MINDY1: variants seen among roughly 807,000 people sequenced by gnomAD.
MINDY1 encodes ubiquitin carboxyl-terminal hydrolase MINDY-1.
In MINDY1, 50 loss-of-function variants were observed where a neutral mutation model predicts 53.6. The observed-to-expected ratio is 0.93, with a 90% CI of 0.74 to 1.18. The LOEUF (loss-of-function observed/expected upper bound fraction) is 1.18, where lower values mean the gene tolerates loss of function less well. Ranked by LOEUF, MINDY1 falls within the 50% of genes most tolerant of loss-of-function variation. The pLI is 0.00. For synonymous variants in MINDY1, 231 were observed against 234.7 expected, an observed-to-expected ratio of 0.98 and a Z score of 0.14; for missense variants, 484 against 578.6, an observed-to-expected ratio of 0.84 and a Z score of 1.68.
chr1:151,001,414 T>A (rs1285043864), intron 3 of MINDY1, 100 bp from the exon 4 acceptor site: 3 of 1,320,000 alleles, frequency 2.3e-6, no homozygotes, highest in Non-Finnish European at 3.2e-6. Context: ...AGAACACAGA[T>A]TTTCAGAGCT....
Position 151,001,158 on chromosome 1 carries a change from C to A in MINDY1, c.576+92G>T, listed in dbSNP as rs116508361. ...AGAATGAAATCATGGTTCAAGGAAACCTCTGAAGAAGCAACAAAAGCTTAT... is the reference window on the plus strand; with the variant it reads ...AGAATGAAATCATGGTTCAAGGAAAACTCTGAAGAAGCAACAAAAGCTTAT... On this transcript the variant is annotated intron_variant, in intron 4 of 9. Transcript: ENST00000683666. 401 of 1,306,334 alleles carry A rather than the reference C, an allele frequency of 3.1e-4. 1 individual carries two copies. In the African/African-American group the frequency reaches 5.3e-3, roughly 17 times the overall value. 80.9% of individuals were successfully genotyped at this position (1,306,334 alleles called of 1,614,324 possible). A position where few individuals can be genotyped will look rare whatever the true frequency, so the allele number is the denominator to read the frequency against.
rs1181151478 is a variant in MINDY1, at chr1:150,997,721, G to C, written c.1232C>G (p.Thr411Ser). ...AAGCTGCTGGGCCAGCTCCAAGTCG[G>C]TAAGCCCCAGCGGGCCTCGTGGCTG... is the stretch of plus-strand genomic sequence containing the variant. ...QQQPRGPLGL[T>S]DLELAQQLQQ... Residue 411 changes from threonine (T) to serine (S), a missense_variant, in exon 9 of 10, where the codon ACC becomes AGC. Physicochemically the swap from Thr to Ser is moderately conservative, Grantham distance 58. Coordinates refer to ENST00000683666, the MANE Select transcript of MINDY1 (RefSeq NM_001376665.1). 2.5e-6 allele frequency: 4 copies of C among 1,613,934 alleles called. No homozygotes were observed. Among genetic ancestry groups the C allele is most frequent in the Non-Finnish European group, 3.4e-6 (4 of 1,180,036 alleles).
In MINDY1 at chr1:151,001,726, A is replaced by G. The variant is rs114920102; in HGVS notation, c.510T>C (p.Leu170=). The change falls in exon 3 of 10, where the codon CTT becomes CTC. Residue 170 remains leucine (L), a splice_region_variant and synonymous_variant. Coordinates refer to ENST00000683666, the MANE Select transcript of MINDY1 (RefSeq NM_001376665.1). ...VITSDELMAH[L]GNCLLSIKPQ... ...CCTCTTCAACGCCCAGTCACTCACCAAGATGGGCCATGAGCTCATCCGATG... is the reference window on the plus strand; with the variant it reads ...CCTCTTCAACGCCCAGTCACTCACCGAGATGGGCCATGAGCTCATCCGATG... 6.8e-6 allele frequency: 11 copies of G among 1,610,586 alleles called. No individual in the cohort carries two copies. The African/African-American group carries it at 1.5e-4, about 22-fold the overall frequency.
rs974609297 is a variant in MINDY1, at chr1:151,006,552, G to C, written c.-330C>G. ...GAGGGTGAAGGCAGGCAGGGACACAGCCAAGGTGCTCCAGGTCGCTCAGAG... is the reference window on the plus strand; with the variant it reads ...GAGGGTGAAGGCAGGCAGGGACACACCCAAGGTGCTCCAGGTCGCTCAGAG... On this transcript the variant is annotated 5_prime_UTR_variant, in exon 1 of 10. Coordinates refer to ENST00000683666, the MANE Select transcript of MINDY1 (RefSeq NM_001376665.1). 43 of 1,000,972 alleles carry C rather than the reference G, an allele frequency of 4.3e-5. No homozygotes were observed. The African/African-American group carries it at 7.3e-4, about 17-fold the overall frequency. The allele number at this position is 1,000,972 out of a possible 1,614,324, so 62.0% of individuals were successfully genotyped here.
rs1355690483 is a variant in MINDY1, at chr1:150,999,298, A to C, written c.981+71T>G. On this transcript the variant is annotated intron_variant, in intron 7 of 9. Transcript: ENST00000683666. The surrounding 1 kb of genome is among the most constrained non-coding windows in gnomAD (Gnocchi z 4.4). Reference sequence around the variant, plus strand: ...ACCACGGCTTAATCTAGCTGATCCCAGCTGGACCCACGAGAAAAAGGCACC... The same window carrying C: ...ACCACGGCTTAATCTAGCTGATCCCCGCTGGACCCACGAGAAAAAGGCACC... 12 of 1,596,298 alleles carry C rather than the reference A, an allele frequency of 7.5e-6. No homozygotes were observed. Among genetic ancestry groups the C allele is most frequent in the Non-Finnish European group, 3.4e-6 (4 of 1,168,410 alleles).
In MINDY1 at chr1:151,000,515, C is replaced by T. The variant is rs1201145019; in HGVS notation, c.677G>A (p.Cys226Tyr). 3.1e-6 allele frequency: 5 copies of T among 1,614,030 alleles called. No homozygotes were observed. Among genetic ancestry groups the T allele is most frequent in the Non-Finnish European group, 4.2e-6 (5 of 1,180,032 alleles). Residue 226 changes from cysteine (C) to tyrosine (Y), a missense_variant, in exon 5 of 10, where the codon TGC (cysteine) becomes TAC (tyrosine). By Grantham distance (194) the Cys-to-Tyr change is radical (BLOSUM62 -2). Transcript: ENST00000683666. ...TATGCCTAGCAGGTCAAAGACACTGCACTCGGGTGTATACTCAAAATCAGA... is the reference window on the plus strand; with the variant it reads ...TATGCCTAGCAGGTCAAAGACACTGTACTCGGGTGTATACTCAAAATCAGA... ...GVSDFEYTPE[C>Y]SVFDLLGIPL...
In MINDY1 at chr1:151,001,238, C is replaced by T. The variant is rs752783488; in HGVS notation, c.576+12G>A. 6.2e-7 allele frequency: 1 copy of T among 1,614,116 alleles called. No individual in the cohort carries two copies. Among genetic ancestry groups the T allele is most frequent in the Non-Finnish European group, 8.5e-7 (1 of 1,179,998 alleles). Reference sequence around the variant, plus strand: ...CCTGCAAACCCCTATGCCTGCAGACCTTTTGCCTCACCTGCTGAAAATTAA... The same window carrying T: ...CCTGCAAACCCCTATGCCTGCAGACTTTTTGCCTCACCTGCTGAAAATTAA... On this transcript the variant is annotated intron_variant, in intron 4 of 9. Coordinates refer to ENST00000683666, the MANE Select transcript of MINDY1 (RefSeq NM_001376665.1).
rs776360053 is a variant in MINDY1, at chr1:151,002,711, C to A, written c.-89-5G>T. ...CTTGGGATGCAAAAGAGTGACCTGT[C>A]CAATAAGAAGGAAATCAGTGGGCTG... On this transcript the variant is annotated splice_polypyrimidine_tract_variant and splice_region_variant and intron_variant, in intron 1 of 9. Coordinates refer to ENST00000683666, the MANE Select transcript of MINDY1 (RefSeq NM_001376665.1). This position sits in a 1 kb window ranked among gnomAD's most constrained non-coding sequence, Gnocchi z 4.1. 2 of 1,580,438 alleles carry A rather than the reference C, an allele frequency of 1.3e-6. No homozygotes were observed. Among genetic ancestry groups the A allele is most frequent in the South Asian group, 2.3e-5 (2 of 88,114 alleles).
At chr1:150,996,741 A>C (rs1178393694), downstream of MINDY1, 1 of 151,864 alleles carries the variant, frequency 6.6e-6, no homozygotes, top group African/African-American at 2.4e-5. Flanking sequence ...ACGGGGTTTC[A>C]CCTTTTTGGG....
At position 151,006,392 on chromosome 1, in the gene MINDY1, A is replaced by T; in HGVS notation, c.-170T>A. The T allele has an allele frequency of 1.5e-5, 20 of 1,355,976 alleles. No homozygotes were observed. Among genetic ancestry groups the T allele is most frequent in the Non-Finnish European group, 1.9e-5 (20 of 1,051,804 alleles). The allele number at this position is 1,355,976 out of a possible 1,614,324, so 84.0% of individuals were successfully genotyped here. On this transcript the variant is annotated 5_prime_UTR_variant, in exon 1 of 10. Coordinates refer to ENST00000683666, the MANE Select transcript of MINDY1 (RefSeq NM_001376665.1). ...GAGATGGGGGAGATAGGTGCAATGA[A>T]GGGGGCTGCCAGTGCCAGCTGCCTT...
In MINDY1 at chr1:151,002,093, A is replaced by G. The variant is rs587597612; in HGVS notation, c.453+72T>C. ...TTTTGACTAGTTTGAGGACATCAGGATGATCAAGGAAGTAAGTCAGGGAAG... is the reference window on the plus strand; with the variant it reads ...TTTTGACTAGTTTGAGGACATCAGGGTGATCAAGGAAGTAAGTCAGGGAAG... On this transcript the variant is annotated intron_variant, in intron 2 of 9. Coordinates refer to ENST00000683666, the MANE Select transcript of MINDY1 (RefSeq NM_001376665.1). The surrounding 1 kb of genome is among the most constrained non-coding windows in gnomAD (Gnocchi z 4.1). 2.1e-6 allele frequency: 3 copies of G among 1,427,656 alleles called. No individual in the cohort carries two copies. Among genetic ancestry groups the G allele is most frequent in the East Asian group, 2.3e-5 (1 of 43,630 alleles). 88.4% of individuals were successfully genotyped at this position (1,427,656 alleles called of 1,614,324 possible). A position where few individuals can be genotyped will look rare whatever the true frequency, so the allele number is the denominator to read the frequency against.
At chr1:151,001,109 G>A (rs1571724200) in intron 4 of MINDY1, 141 bp downstream of exon 4, 2 of 885,228 alleles carry the variant, frequency 2.3e-6, no homozygotes, top group East Asian at 2.5e-5. Flanking sequence ...CTAGGACAAA[G>A]ATAAACTCTC....
intron 1 of MINDY1, chr1:151,006,095 G>C (rs755395778): frequency 2.6e-6 from 4 of 1,551,586 alleles, no homozygotes; most frequent in African/African-American, 1.4e-5. Flanking sequence ...CTGTATACTT[G>C]CTCACAAGGA....
chr1:150,998,620 T>G (rs1385374314), intron 7 of MINDY1, among the ~76,000 whole-genome samples: 2 of 152,138 alleles, frequency 1.3e-5, no homozygotes, highest in Non-Finnish European at 2.9e-5. Flanking sequence ...CCTCCCAAAG[T>G]GCTGGGATTA....
upstream of MINDY1, chr1:151,007,045 T>C (rs1673309006): frequency 4.8e-6 from 1 of 209,606 alleles, no homozygotes; most frequent in Non-Finnish European, 8.3e-6. Flanking sequence ...AAGAGCACGA[T>C]ATTTGCATGT....
At chr1:151,007,869 C>T (rs779372461), upstream of MINDY1, among the ~76,000 whole-genome samples, 3 of 152,000 alleles carry the variant, frequency 2.0e-5, no homozygotes, top group Non-Finnish European at 4.4e-5. Context: ...GCAATTGGAA[C>T]AATTAGGGTG....
rs1671916507 is a variant in MINDY1 at position 150,997,224 on chromosome 1, G to A, written c.*63C>T. On this transcript the variant is annotated 3_prime_UTR_variant, in exon 10 of 10. Coordinates refer to ENST00000683666, the MANE Select transcript of MINDY1 (RefSeq NM_001376665.1). ...GCACATCTCAGGGGTGGAGGCGGGG[G>A]AGCAAGCCAACTAGCCATAGCCTCT... 1 of 1,509,162 alleles carries A rather than the reference G, an allele frequency of 6.6e-7. No individual in the cohort carries two copies. The highest frequency in any genetic ancestry group is 9.0e-7 in the Non-Finnish European group (1 of 1,109,090). The allele number at this position is 1,509,162 out of a possible 1,614,324, so 93.5% of individuals were successfully genotyped here.
chr1:151,007,778 C>T (rs1207427351), upstream of MINDY1, among the ~76,000 whole-genome samples: 2 of 152,202 alleles, frequency 1.3e-5, no homozygotes, highest in Non-Finnish European at 2.9e-5. Flanking sequence ...GAACCTAACT[C>T]CACATTCTGA....
At chr1:150,997,990 G>A (rs917385465) in intron 8 of MINDY1, 92 bp downstream of exon 8, 1 of 1,366,508 alleles carries the variant, frequency 7.3e-7, no homozygotes, top group Admixed American at 2.2e-5. Flanking sequence ...AGAGGCATGG[G>A]TTCACATGGC....
Sources: gnomAD v4.1 joint callset for allele counts (sites outside exome capture counted in the v4.1 genomes callset) on GRCh38, gnomAD v4.1.1 for gene constraint, Gnocchi (gnomAD v3.1) non-coding constraint, MANE v1.5 for transcripts, NCBI Gene and HGNC (gene_info 2026-07-23, HGNC 2026-07-21) for gene names.